CACHD1: variants seen among roughly 807,000 people sequenced by gnomAD.
The protein encoded by CACHD1 is VWFA and cache domain-containing protein 1.
Under a neutral mutation model 138.7 loss-of-function variants are expected in CACHD1, and 71 were observed. That is an observed-to-expected ratio of 0.51 (90% confidence interval 0.42 to 0.62). CACHD1 has a LOEUF of 0.62. CACHD1 is among the 20% of genes least tolerant of loss of function. The pLI is 0.00. For synonymous variants in CACHD1, 578 were observed against 591.5 expected (o/e 0.98, Z 0.33); for missense variants, 1,389 against 1,625.3 (o/e 0.85, Z 2.50).
intron 1 of CACHD1, among the ~76,000 whole-genome samples, chr1:64,530,923 G>A (rs11582584): frequency 7.5e-6 from 1 of 132,572 alleles, no homozygotes; most frequent in East Asian, 2.1e-4. Flanking sequence ...ATTCCATCGT[G>A]TTTTTTTTTG....
At chr1:64,529,413 A>G (rs372829604) in intron 1 of CACHD1, among the ~76,000 whole-genome samples, 1 of 152,274 alleles carries the variant, frequency 6.6e-6, no homozygotes. Flanking sequence ...TACTCCATTT[A>G]TTCTCAATAC....
intron 8 of CACHD1, among the ~76,000 whole-genome samples, chr1:64,646,849 A>G (rs575202134): frequency 6.6e-6 from 1 of 152,348 alleles, no homozygotes; most frequent in East Asian, 1.9e-4. Context: ...CTAAAGACAT[A>G]TGTGGTAGAT....
chr1:64,619,058 G>T (rs2100611568), intron 4 of CACHD1, among the ~76,000 whole-genome samples: 1 of 152,300 alleles, frequency 6.6e-6, no homozygotes, highest in Middle Eastern at 3.4e-3. Flanking sequence ...AGATGAGGTG[G>T]TTTAAGAATT....
chr1:64,492,896 G>A (rs1239000178), intron 1 of CACHD1, among the ~76,000 whole-genome samples: 1 of 152,148 alleles, frequency 6.6e-6, no homozygotes, highest in Non-Finnish European at 1.5e-5. Context: ...CTAAGCTTGG[G>A]TTGCCCTTGT....
chr1:64,626,687 C>T (rs1335581266), intron 4 of CACHD1, among the ~76,000 whole-genome samples: 1 of 152,060 alleles, frequency 6.6e-6, no homozygotes, highest in East Asian at 1.9e-4. Context: ...AGGTACATAC[C>T]CAAATGGCAA....
chr1:64,513,297 C>T (rs1400397172), intron 1 of CACHD1, among the ~76,000 whole-genome samples: 1 of 152,168 alleles, frequency 6.6e-6, no homozygotes, highest in South Asian at 2.1e-4. Context: ...CTGTGACAAT[C>T]AAAAATGTCA....
At chr1:64,633,784 G>C (rs1240122042) in intron 6 of CACHD1, among the ~76,000 whole-genome samples, 1 of 152,148 alleles carries the variant, frequency 6.6e-6, no homozygotes, top group Non-Finnish European at 1.5e-5. Flanking sequence ...TTGTGTGTGT[G>C]TTTAATGTTA....
Position 64,540,181 on chromosome 1 carries a change from C to T in CACHD1, c.199-10413C>T, listed in dbSNP as rs186742232. ...AGAGACCTAAGCATTTGTGTGCATT[C>T]GTGTACACACAGAACACTGAATATT... On this transcript the variant is annotated intron_variant, in intron 1 of 26. Transcript: ENST00000651257. Among the ~76,000 whole-genome samples the T allele has an allele frequency of 5.5e-4, 83 of 152,230 alleles. 1 individual carries two copies. Among genetic ancestry groups the T allele is most frequent in the African/African-American group, 2.0e-3 (82 of 41,540 alleles).
chr1:64,683,232 C>G lies in CACHD1; in HGVS notation c.3586+1126C>G, dbSNP rs545249881. 1.1e-4 allele frequency among the ~76,000 whole-genome samples: 17 copies of G among 152,320 alleles called. No homozygotes were observed. The South Asian group carries it at 3.5e-3, about 32-fold the overall frequency. On this transcript the variant is annotated intron_variant, in intron 26 of 26. Coordinates refer to ENST00000651257, the MANE Select transcript of CACHD1 (RefSeq NM_020925.4). ...CTTTGAATGACATTATTCCCACCAA[C>G]TAAATAGAAACTTCAGGTTTCTATG...
At chr1:64,664,319 T>C (rs1649553774) in intron 14 of CACHD1, 179 bp from the exon 15 acceptor site, 1 of 613,108 alleles carries the variant, frequency 1.6e-6, no homozygotes. Context: ...CTGCTGACTG[T>C]ATTTCTGCAA....
chr1:64,534,866 G>GC (rs1646619516), intron 1 of CACHD1, among the ~76,000 whole-genome samples: 1 of 152,230 alleles, frequency 6.6e-6, no homozygotes, highest in African/African-American at 2.4e-5. Flanking sequence ...CCAGATTCCA[G>GC]CCCCCTGGCC....
chr1:64,558,470 C>T (rs1019397820), intron 2 of CACHD1, among the ~76,000 whole-genome samples: 10 of 152,124 alleles, frequency 6.6e-5, no homozygotes, highest in African/African-American at 2.2e-4. Flanking sequence ...TCCATATTTC[C>T]TTTTTTCCCC....
chr1:64,544,533 G>A (rs575436274), intron 1 of CACHD1, among the ~76,000 whole-genome samples: 8 of 152,198 alleles, frequency 5.3e-5, no homozygotes, highest in African/African-American at 1.7e-4. Context: ...AGTGGATGGA[G>A]AGAGGGAAGG....
In CACHD1 at chr1:64,547,739, C is replaced by T. The variant is rs56690292; in HGVS notation, c.199-2855C>T. On this transcript the variant is annotated intron_variant, in intron 1 of 26. Transcript: ENST00000651257. Reference sequence around the variant, plus strand: ...TCATGAGTTACTTGTCTAAGTTCTACTGGCTTCCCATGGCATCTCACTAAA... The same window carrying T: ...TCATGAGTTACTTGTCTAAGTTCTATTGGCTTCCCATGGCATCTCACTAAA... 2.9e-3 allele frequency among the ~76,000 whole-genome samples: 434 copies of T among 152,276 alleles called. 4 individuals carry two copies. The highest frequency in any genetic ancestry group is 0.01 in the African/African-American group (420 of 41,558).
intron 14 of CACHD1, 32 bp from the exon 15 acceptor site, chr1:64,664,465 AG>A: frequency 1.2e-6 from 2 of 1,603,682 alleles, no homozygotes; most frequent in Non-Finnish European, 1.7e-6. Flanking sequence ...TGAGTTTTAA[AG>A]GATCCCTGCT....
intron 4 of CACHD1, among the ~76,000 whole-genome samples, chr1:64,615,018 G>A (rs1490946847): frequency 6.6e-6 from 1 of 152,064 alleles, no homozygotes; most frequent in African/African-American, 2.4e-5. Context: ...CCCATCTTCT[G>A]CTCCTTTTCC....
chr1:64,515,314 T>C (rs1186240683), intron 1 of CACHD1, among the ~76,000 whole-genome samples: 1 of 152,198 alleles, frequency 6.6e-6, no homozygotes, highest in Non-Finnish European at 1.5e-5. Context: ...GGAAGTTATG[T>C]TCAGGTTATG....
chr1:64,689,829 T>C (rs1012189687), intron 26 of CACHD1, among the ~76,000 whole-genome samples: 4 of 152,212 alleles, frequency 2.6e-5, no homozygotes, highest in East Asian at 1.9e-4. Flanking sequence ...AACTAAAATA[T>C]ACATTCTCTG....
chr1:64,690,790 G>C (rs551570493), intron 26 of CACHD1, among the ~76,000 whole-genome samples: 2 of 152,362 alleles, frequency 1.3e-5, no homozygotes, highest in African/African-American at 4.8e-5. Context: ...GATGGTGATG[G>C]TTCTTTTTGT....
Sources: gnomAD v4.1 joint callset for allele counts (sites outside exome capture counted in the v4.1 genomes callset) on GRCh38, gnomAD v4.1.1 for gene constraint, MANE v1.5 for transcripts, NCBI Gene and HGNC (gene_info 2026-07-23, HGNC 2026-07-21) for gene names.